TMEM41B: variants seen among roughly 807,000 people sequenced by gnomAD.
The protein encoded by TMEM41B is transmembrane protein 41B.
In TMEM41B, 18 loss-of-function variants were observed where a neutral mutation model predicts 31.9. That is an observed-to-expected ratio of 0.56 (90% CI 0.39 to 0.84). The LOEUF (loss-of-function observed/expected upper bound fraction) is 0.84, where lower values mean the gene tolerates loss of function less well. Among genes scored for constraint, TMEM41B ranks in the 40% least tolerant of loss-of-function variants. The pLI, the probability that TMEM41B is intolerant of heterozygous loss-of-function variation, is 0.00. For missense variants in TMEM41B, 322 were observed against 348.0 expected, an observed-to-expected ratio of 0.93 and a Z score of 0.59; for synonymous variants, 144 against 124.3, an observed-to-expected ratio of 1.16 and a Z score of -1.05.
chr11:9,296,414 TGAG>T (rs1248103221), intron 2 of TMEM41B, among the ~76,000 whole-genome samples: 2 of 151,442 alleles, frequency 1.3e-5, no homozygotes, highest in African/African-American at 4.8e-5. Flanking sequence ...TCGCCTGACA[TGAG>T]GAGTTCGAGA....
At chr11:9,288,940 T>C (rs370634731) in intron 3 of TMEM41B, among the ~76,000 whole-genome samples, 4 of 152,134 alleles carry the variant, frequency 2.6e-5, no homozygotes, top group Non-Finnish European at 5.9e-5. Context: ...TTTAAAGGAA[T>C]AGGAACTACA....
rs1202044076 is a variant in TMEM41B at position 9,314,368 on chromosome 11, G to T, written c.74C>A (p.Ala25Glu). 4 of 1,585,382 alleles carry T rather than the reference G, an allele frequency of 2.5e-6. No homozygotes were observed. In the African/African-American group the frequency reaches 5.4e-5, roughly 21 times the overall value. The change falls in exon 1 of 7, where the codon GCG becomes GAG. Residue 25 changes from alanine (A) to glutamate (E), a missense_variant. This residue lies in a region of TMEM41B where 183 missense variants were observed against 175.3 expected (regional missense o/e 1.04). Transcript: ENST00000528080. ...HHTTPVGDGA[A>E]GTRGLAAPGS... ...AGGCGCCGCGAGACCCCGCGTCCCC[G>T]CTGCCCCGTCCCCCACGGGGGTCGT...
At chr11:9,298,107 C>G (rs1292776233) in intron 2 of TMEM41B, among the ~76,000 whole-genome samples, 1 of 146,564 alleles carries the variant, frequency 6.8e-6, no homozygotes, top group East Asian at 2.0e-4. Flanking sequence ...CCCTCTTTCT[C>G]AAGTCCAGTA....
Position 9,281,508 on chromosome 11 carries a change from C to T in TMEM41B, c.*1916G>A, listed in dbSNP as rs1209257999. ...AAAACAGGCTTTGAGGATGATTATA[C>T]CTCTTATAATAAAAACATACAAGGA... On this transcript the variant is annotated 3_prime_UTR_variant, in exon 7 of 7. Transcript: ENST00000528080. 8.5e-5 allele frequency: 13 copies of T among 152,106 alleles called. No homozygotes were observed. The highest frequency in any genetic ancestry group is 1.5e-5 in the Non-Finnish European group (1 of 68,018). 9.4% of individuals were successfully genotyped at this position (152,106 alleles called of 1,614,324 possible).
chr11:9,299,345 CGTGTGTGTATATAAATATATT>C (rs1853187620), intron 2 of TMEM41B, among the ~76,000 whole-genome samples: 1 of 144,092 alleles, frequency 6.9e-6, no homozygotes. Context: ...CACACACACA[CGTGTGTGTATATAAATATATT>C]AAATATACAT....
At chr11:9,286,045 G>A (rs1387867803) in intron 6 of TMEM41B, among the ~76,000 whole-genome samples, 1 of 152,132 alleles carries the variant, frequency 6.6e-6, no homozygotes, top group Admixed American at 6.6e-5. Flanking sequence ...AACCCGGGAG[G>A]CGGAGATTGC....
chr11:9,314,288 C>A, intron 1 of TMEM41B, 33 bp downstream of exon 1: 2 of 1,564,612 alleles, frequency 1.3e-6, no homozygotes, highest in Non-Finnish European at 1.7e-6. Context: ...AAGCCTCGGG[C>A]CACCCCCAGC....
At position 9,283,481 on chromosome 11, in the gene TMEM41B, A is replaced by C. The variant is rs771123555; in HGVS notation, c.819T>G (p.Ala273=). 3.1e-6 allele frequency: 5 copies of C among 1,612,160 alleles called. No homozygotes were observed. The Admixed American group carries it at 8.4e-5, about 27-fold the overall frequency. The change falls in exon 7 of 7, where the codon GCT becomes GCG. Residue 273 remains alanine (A), a synonymous_variant. Transcript: ENST00000528080. ...WNSIFILMIL[A]VLSILPAIFQ... Reference sequence around the variant, plus strand: ...AGATGGCTGGCAGAATAGAAAGAACAGCCAAGATCATCAGAATAAATATTG... The same window carrying C: ...AGATGGCTGGCAGAATAGAAAGAACCGCCAAGATCATCAGAATAAATATTG...
At position 9,283,185 on chromosome 11, in the gene TMEM41B, ATAAGATGTC is replaced by A. The variant is rs994077947; in HGVS notation, c.*230_*238del. 2.2e-5 allele frequency: 7 copies of A among 322,750 alleles called. No individual in the cohort carries two copies. Among genetic ancestry groups the A allele is most frequent in the East Asian group, 1.2e-4 (2 of 16,704 alleles). The allele number at this position is 322,750 out of a possible 1,614,324, so 20.0% of individuals were successfully genotyped here. A position where few individuals can be genotyped will look rare whatever the true frequency, so the allele number is the denominator to read the frequency against. ...ACAGCTACCCTTGGTATAATAATTT[ATAAGATGTC>A]TAAGATGTCTACCTTAACTATTGAT... On this transcript the variant is annotated 3_prime_UTR_variant, in exon 7 of 7. Transcript: ENST00000528080.
In TMEM41B at chr11:9,281,947, T is replaced by C. The variant is rs921984180; in HGVS notation, c.*1477A>G. On this transcript the variant is annotated 3_prime_UTR_variant, in exon 7 of 7. Transcript: ENST00000528080. ...TTTAGTCATTGGAACAAATAAACTATATTTAATCACTTGTGTTTTGCTGTC... is the reference window on the plus strand; with the variant it reads ...TTTAGTCATTGGAACAAATAAACTACATTTAATCACTTGTGTTTTGCTGTC... 2 of 152,248 alleles carry C rather than the reference T, an allele frequency of 1.3e-5. No individual in the cohort carries two copies. Among genetic ancestry groups the C allele is most frequent in the African/African-American group, 4.8e-5 (2 of 41,478 alleles). 9.4% of individuals were successfully genotyped at this position (152,248 alleles called of 1,614,324 possible). A position where few individuals can be genotyped will look rare whatever the true frequency, so the allele number is the denominator to read the frequency against.
chr11:9,293,936 G>A (rs1250373669), intron 3 of TMEM41B, among the ~76,000 whole-genome samples: 2 of 151,988 alleles, frequency 1.3e-5, no homozygotes, highest in African/African-American at 2.4e-5. Flanking sequence ...CAGGCGTGGC[G>A]GCTCATGACT....
rs370216717 is a variant in TMEM41B at position 9,314,273 on chromosome 11, C to A, written c.121+48G>T. On this transcript the variant is annotated intron_variant, in intron 1 of 6. Coordinates refer to ENST00000528080, the MANE Select transcript of TMEM41B (RefSeq NM_015012.4). Reference sequence around the variant, plus strand: ...CGGGGGTCCTTTTCCCCACCCGACACACAGAAGCCTCGGGCCACCCCCAGC... The same window carrying A: ...CGGGGGTCCTTTTCCCCACCCGACAAACAGAAGCCTCGGGCCACCCCCAGC... 139 of 1,547,772 alleles carry A rather than the reference C, an allele frequency of 9.0e-5. No homozygotes were observed. In the African/African-American group the frequency reaches 1.7e-3, roughly 19 times the overall value.
intron 3 of TMEM41B, among the ~76,000 whole-genome samples, chr11:9,290,302 A>G (rs1852926751): frequency 3.3e-5 from 5 of 152,156 alleles, no homozygotes; most frequent in Admixed American, 3.3e-4. Context: ...GCTTGAACCC[A>G]GGAAGCAGGA....
chr11:9,297,185 C>T (rs750322895), intron 2 of TMEM41B, among the ~76,000 whole-genome samples: 5 of 152,122 alleles, frequency 3.3e-5, no homozygotes, highest in African/African-American at 7.2e-5. Flanking sequence ...CCCAGGTTCA[C>T]GCCATTCTCC....
In TMEM41B at chr11:9,282,948, A is replaced by T. The variant is rs1323981086; in HGVS notation, c.*476T>A. 1 of 151,926 alleles carries T rather than the reference A, an allele frequency of 6.6e-6. No homozygotes were observed. Among genetic ancestry groups the T allele is most frequent in the Non-Finnish European group, 1.5e-5 (1 of 68,114 alleles). The allele number at this position is 151,926 out of a possible 1,614,324, so 9.4% of individuals were successfully genotyped here. Reference sequence around the variant, plus strand: ...GACTCCGTCTCAAAACAGAAAAAAAAAAAAAAAAAAAAAGAGGAAGAAAAT... The same window carrying T: ...GACTCCGTCTCAAAACAGAAAAAAATAAAAAAAAAAAAAGAGGAAGAAAAT... On this transcript the variant is annotated 3_prime_UTR_variant, in exon 7 of 7. Coordinates refer to ENST00000528080, the MANE Select transcript of TMEM41B (RefSeq NM_015012.4).
Position 9,295,741 on chromosome 11 carries a change from C to T in TMEM41B, c.240-354G>A, listed in dbSNP as rs182051940. ...GTAGAGAGGGAGTTTCACCATGTTGCCAGGCTGGTCTCAAACTCCTGTGCT... is the reference window on the plus strand; with the variant it reads ...GTAGAGAGGGAGTTTCACCATGTTGTCAGGCTGGTCTCAAACTCCTGTGCT... On this transcript the variant is annotated intron_variant, in intron 2 of 6. Coordinates refer to ENST00000528080, the MANE Select transcript of TMEM41B (RefSeq NM_015012.4). 1.3e-3 allele frequency among the ~76,000 whole-genome samples: 202 copies of T among 152,180 alleles called. 2 individuals carry two copies. The highest frequency in any genetic ancestry group is 4.8e-3 in the African/African-American group (201 of 41,516).
chr11:9,295,136 T>C, intron 3 of TMEM41B, 123 bp downstream of exon 3: 1 of 1,112,098 alleles, frequency 9.0e-7, no homozygotes, highest in Non-Finnish European at 1.2e-6. Flanking sequence ...TTTCAATTAT[T>C]TAATATTGTC....
chr11:9,292,403 T>C (rs567069509), intron 3 of TMEM41B, among the ~76,000 whole-genome samples: 113 of 152,318 alleles, frequency 7.4e-4, no homozygotes, highest in African/African-American at 2.2e-3. Context: ...GTGCTTTATA[T>C]ACTATGAAAC....
At chr11:9,295,740 G>T (rs2133624356) in intron 2 of TMEM41B, among the ~76,000 whole-genome samples, 1 of 152,184 alleles carries the variant, frequency 6.6e-6, no homozygotes, top group Admixed American at 6.5e-5. Context: ...TCACCATGTT[G>T]CCAGGCTGGT....
Sources: allele counts gnomAD v4.1 joint callset (sites outside exome capture counted in the v4.1 genomes callset), GRCh38; gene constraint gnomAD v4.1.1; regional missense constraint gnomAD v4.1.1; transcripts MANE v1.5; gene names NCBI Gene and HGNC (gene_info 2026-07-23, HGNC 2026-07-21).